The following MAPT variants were observed in gnomAD, a reference collection of about 807,000 sequenced individuals.
MAPT encodes microtubule-associated protein tau.
Under a neutral mutation model 67.9 loss-of-function variants are expected in MAPT, and 34 were observed. The ratio of observed to expected loss-of-function variants is 0.50; its 90% confidence interval spans 0.38 to 0.67. The LOEUF (loss-of-function observed/expected upper bound fraction) is 0.67, where lower values mean the gene tolerates loss of function less well. Among genes scored for constraint, MAPT ranks in the 30% least tolerant of loss-of-function variants. MAPT has a pLI of 0.00. For missense variants in MAPT, 881 were observed against 1,115.2 expected (o/e 0.79, Z 2.99); for synonymous variants, 456 against 464.5 (o/e 0.98, Z 0.23).
intron 1 of MAPT, chr17:45,910,680 A>AC (rs1225295491): frequency 6.6e-6 from 1 of 151,952 alleles, no homozygotes; most frequent in Non-Finnish European, 1.5e-5. Context: ...AAAAAAAAAA[A>AC]AAAAAACTAA....
intron 10 of MAPT, among the ~76,000 whole-genome samples, chr17:46,011,340 G>A (rs1199408632): frequency 6.6e-6 from 1 of 152,230 alleles, no homozygotes; most frequent in Non-Finnish European, 1.5e-5. Flanking sequence ...AAGTTGCAAG[G>A]AGCCATGATC....
chr17:45,925,501 A>G (rs1006714420), intron 1 of MAPT, among the ~76,000 whole-genome samples: 1 of 152,214 alleles, frequency 6.6e-6, no homozygotes, highest in Non-Finnish European at 1.5e-5. Flanking sequence ...CCAGAATTTC[A>G]CTTCTAGGAA....
intron 1 of MAPT, among the ~76,000 whole-genome samples, chr17:45,940,210 CA>C (rs534741869): frequency 6.6e-6 from 1 of 152,180 alleles, no homozygotes; most frequent in South Asian, 2.1e-4. Context: ...CTTTGGAAAG[CA>C]ACTGTTTTCT....
chr17:45,948,081 A>T (rs1040028991), intron 1 of MAPT, among the ~76,000 whole-genome samples: 1 of 150,716 alleles, frequency 6.6e-6, no homozygotes, highest in African/African-American at 2.4e-5. Context: ...ATCTCGGCTC[A>T]CTGCAACCTC....
At chr17:45,952,774 A>G (rs2069215171) in intron 1 of MAPT, among the ~76,000 whole-genome samples, 1 of 152,108 alleles carries the variant, frequency 6.6e-6, no homozygotes, top group Non-Finnish European at 1.5e-5. Flanking sequence ...AGGTTGAGAG[A>G]AGTGGCTTGG....
At chr17:45,911,822 G>A (rs1050993033) in intron 1 of MAPT, among the ~76,000 whole-genome samples, 2 of 152,104 alleles carry the variant, frequency 1.3e-5, no homozygotes, top group Admixed American at 1.3e-4. Flanking sequence ...AGAACAGAAA[G>A]GGGAACAGAT....
chr17:45,910,585 G>T (rs751662043), intron 1 of MAPT: 2 of 146,442 alleles, frequency 1.4e-5, no homozygotes, highest in Non-Finnish European at 3.0e-5. Flanking sequence ...CTTTTGTTTT[G>T]TTTTTCATGG....
chr17:45,919,735 C>T (rs367862025), intron 1 of MAPT, among the ~76,000 whole-genome samples: 1 of 152,134 alleles, frequency 6.6e-6, no homozygotes, highest in Non-Finnish European at 1.5e-5. Context: ...AGTGAGACCG[C>T]GTCTCTACAA....
intron 1 of MAPT, among the ~76,000 whole-genome samples, chr17:45,916,117 G>A (rs551783379): frequency 9.9e-5 from 15 of 152,284 alleles, no homozygotes; most frequent in Middle Eastern, 3.4e-3. Context: ...CCACATTCCC[G>A]GAGGGACTGA....
intron 2 of MAPT, among the ~76,000 whole-genome samples, chr17:45,965,822 T>C (rs772083617): frequency 2.6e-5 from 4 of 152,210 alleles, no homozygotes; most frequent in Non-Finnish European, 5.9e-5. Context: ...CTCAGAATGC[T>C]AATTGGGACA....
At chr17:45,985,511 A>G (rs895671642) in intron 5 of MAPT, 10 of 191,854 alleles carry the variant, frequency 5.2e-5, no homozygotes, top group African/African-American at 2.4e-4. Flanking sequence ...ACTGGGGGAA[A>G]AAAATAAAAG....
chr17:45,990,668 A>C, intron 7 of MAPT: 1 of 318,288 alleles, frequency 3.1e-6, no homozygotes, highest in Non-Finnish European at 6.2e-6. Context: ...TGATTTTGGC[A>C]AGAGAAATGC....
intron 1 of MAPT, among the ~76,000 whole-genome samples, chr17:45,902,603 G>T (rs1322726548): frequency 6.6e-6 from 1 of 152,072 alleles, no homozygotes; most frequent in East Asian, 1.9e-4. Flanking sequence ...GTAAAAGGTG[G>T]GCATTCTCCC....
At chr17:45,919,281 C>T (rs1256827607) in intron 1 of MAPT, among the ~76,000 whole-genome samples, 1 of 152,040 alleles carries the variant, frequency 6.6e-6, no homozygotes, top group East Asian at 1.9e-4. Context: ...TAGAGACAGT[C>T]CTCCTGGGAC....
intron 1 of MAPT, among the ~76,000 whole-genome samples, chr17:45,957,930 G>T (rs2145227853): frequency 6.6e-6 from 1 of 152,212 alleles, no homozygotes; most frequent in African/African-American, 2.4e-5. Flanking sequence ...AAAAGAAAAT[G>T]ATATCTAAGC....
At chr17:46,002,720 A>C (rs563649295) in intron 9 of MAPT, among the ~76,000 whole-genome samples, 13 of 152,270 alleles carry the variant, frequency 8.5e-5, no homozygotes, top group African/African-American at 3.1e-4. Context: ...TGGCAATAGA[A>C]TGCTGTAACT....
chr17:46,018,207 A>G (rs1350319720), intron 11 of MAPT, among the ~76,000 whole-genome samples: 3 of 151,940 alleles, frequency 2.0e-5, no homozygotes, highest in African/African-American at 7.3e-5. Flanking sequence ...ATTTAGAGTA[A>G]TTTTTCCTGG....
chr17:45,983,253 T>C lies in MAPT; in HGVS notation c.674T>C (p.Met225Thr), dbSNP rs1338260775. The C allele has an allele frequency of 6.2e-7, 1 of 1,600,766 alleles. No homozygotes were observed. The highest frequency in any genetic ancestry group is 1.7e-4 in the Middle Eastern group (1 of 6,052). Residue 225 changes from methionine to threonine, a missense_variant, in exon 5 of 13, where the codon ATG becomes ACG. This residue lies in a region of MAPT where 687 missense variants were observed against 766.1 expected (regional missense o/e 0.90). Transcript: ENST00000262410. The part of the protein sequence containing the change: ...PGPPGLSHQL[M>T]SGMPGAPLLP... ...CCCCCAGGTCTGAGCCACCAGCTCA[T>C]GTCCGGCATGCCTGGGGCTCCCCTC...
chr17:45,948,295 G>A (rs1461591518), intron 1 of MAPT, among the ~76,000 whole-genome samples: 2 of 150,564 alleles, frequency 1.3e-5, no homozygotes, highest in Non-Finnish European at 1.5e-5. Context: ...ATGAGCCACC[G>A]CACCCAGCCC....
Sources: allele counts gnomAD v4.1 joint callset (sites outside exome capture counted in the v4.1 genomes callset), GRCh38; gene constraint gnomAD v4.1.1; regional missense constraint gnomAD v4.1.1; transcripts MANE v1.5; gene names NCBI Gene and HGNC (gene_info 2026-07-23, HGNC 2026-07-21).